PDGFA: variants seen among roughly 807,000 people sequenced by gnomAD.
The protein encoded by PDGFA is platelet derived growth factor subunit A.
In PDGFA, 9 loss-of-function variants were observed where a neutral mutation model predicts 25.6. The observed-to-expected ratio is 0.35, with a 90% confidence interval of 0.21 to 0.61. PDGFA has a LOEUF of 0.61. Among genes scored for constraint, PDGFA ranks in the 20% least tolerant of loss-of-function variants. The pLI, the probability that PDGFA is intolerant of heterozygous loss-of-function variation, is 0.75. For synonymous variants in PDGFA, 133 were observed against 111.8 expected (o/e 1.19, Z -1.20); for missense variants, 242 against 272.8 (o/e 0.89, Z 0.79).
intron 4 of PDGFA, among the ~76,000 whole-genome samples, chr7:504,474 C>G (rs1356442373): frequency 6.6e-6 from 1 of 152,168 alleles, no homozygotes; most frequent in Non-Finnish European, 1.5e-5. Flanking sequence ...CCCCCTCCTG[C>G]CTCAGCAGGG....
intron 5 of PDGFA, among the ~76,000 whole-genome samples, chr7:499,116 G>A (rs1782214628): frequency 6.6e-6 from 1 of 152,228 alleles, no homozygotes; most frequent in African/African-American, 2.4e-5. Context: ...GCCAGGCATG[G>A]GACAACAGGA....
chr7:501,841 T>C (rs1782353899), intron 4 of PDGFA, among the ~76,000 whole-genome samples: 1 of 152,204 alleles, frequency 6.6e-6, no homozygotes, highest in Non-Finnish European at 1.5e-5. Flanking sequence ...TTGGGAGTTC[T>C]GGGGTGCAGG....
chr7:499,028 A>AC (rs1782210999), intron 5 of PDGFA, among the ~76,000 whole-genome samples: 1 of 152,216 alleles, frequency 6.6e-6, no homozygotes, highest in Non-Finnish European at 1.5e-5. Context: ...GTTTAAGAAC[A>AC]ATTCTTCCAC....
intron 1 of PDGFA, among the ~76,000 whole-genome samples, chr7:518,046 A>G (rs1322371518): frequency 1.3e-5 from 2 of 151,624 alleles, no homozygotes; most frequent in Admixed American, 6.6e-5. Context: ...TCTCACTCAC[A>G]CACTCGCCCC....
chr7:497,972 A>C (rs547560587), exon 6 of PDGFA: 22 of 133,386 alleles, frequency 1.6e-4, no homozygotes, highest in African/African-American at 4.9e-4. Flanking sequence ...AAAAAAAAAA[A>C]ACAAAACAAA....
chr7:511,286 TGG>T (rs1782824854), intron 3 of PDGFA, among the ~76,000 whole-genome samples: 1 of 26,884 alleles, frequency 3.7e-5, no homozygotes, highest in African/African-American at 1.9e-4. Flanking sequence ...GGCCAGTGGC[TGG>T]GGGTGGGGAG....
intron 2 of PDGFA, among the ~76,000 whole-genome samples, chr7:516,501 C>T (rs928242535): frequency 6.6e-6 from 1 of 152,208 alleles, no homozygotes; most frequent in African/African-American, 2.4e-5. Flanking sequence ...CATCGCAGAG[C>T]CCCTTTTTAA....
At position 517,972 on chromosome 7, in the gene PDGFA, GGA is replaced by G. The variant is rs1206205215; in HGVS notation, c.64-484_64-483del. 1.3e-5 allele frequency among the ~76,000 whole-genome samples: 2 copies of G among 152,112 alleles called. No homozygotes were observed. The highest frequency in any genetic ancestry group is 4.8e-5 in the African/African-American group (2 of 41,432). Reference sequence around the variant, plus strand: ...CCCCGGAATCCCGGGCCGAACCCGTGGAGAGGTCTCTCCGTCTCACAAACACA... The same window carrying G: ...CCCCGGAATCCCGGGCCGAACCCGTGGAGGTCTCTCCGTCTCACAAACACA... On this transcript the variant is annotated intron_variant, in intron 1 of 5. Coordinates refer to ENST00000402802, the Ensembl canonical transcript of PDGFA. This position sits in a 1 kb window ranked among gnomAD's most constrained non-coding sequence, Gnocchi z 7.4.
intron 4 of PDGFA, among the ~76,000 whole-genome samples, chr7:502,779 C>T (rs1373584208): frequency 7.2e-6 from 1 of 139,756 alleles, no homozygotes; most frequent in Non-Finnish European, 1.6e-5. Flanking sequence ...CACACACACA[C>T]ACACACACAC....
chr7:498,687 G>A (rs1024552916), intron 5 of PDGFA, 113 bp from the exon 6 acceptor site: 2 of 972,422 alleles, frequency 2.1e-6, no homozygotes, highest in Non-Finnish European at 3.2e-6. Flanking sequence ...CCAATCAGGG[G>A]CACACAGGGA....
chr7:508,122 C>G (rs1210814027), intron 4 of PDGFA, among the ~76,000 whole-genome samples: 1 of 152,148 alleles, frequency 6.6e-6, no homozygotes, highest in Non-Finnish European at 1.5e-5. Flanking sequence ...GAGGAAACGA[C>G]CCGGCTGGCT....
At position 500,778 on chromosome 7, in the gene PDGFA, C is replaced by G; in HGVS notation, c.580+338G>C. The G allele has an allele frequency of 6.9e-7, 1 of 1,442,640 alleles. No homozygotes were observed. The allele number at this position is 1,442,640 out of a possible 1,614,324, so 89.4% of individuals were successfully genotyped here. On this transcript the variant is annotated intron_variant, in intron 5 of 5. Transcript: ENST00000402802. This position sits in a 1 kb window ranked among gnomAD's most constrained non-coding sequence, Gnocchi z 5.0. ...CCTCGAACCTGCTCCTCCCGCCCAC[C>G]CTGGCAGGAGGCCCTTCTGCAGATT...
At chr7:504,809 C>G (rs530817499) in intron 4 of PDGFA, among the ~76,000 whole-genome samples, 1 of 152,238 alleles carries the variant, frequency 6.6e-6, no homozygotes, top group Non-Finnish European at 1.5e-5. Flanking sequence ...TCGGCAGAGA[C>G]CGCAGGCCCG....
At chr7:497,959 C>CAAAAAAAAAAAA (rs1166606050) in exon 6 of PDGFA, 1 of 56,686 alleles carries the variant, frequency 1.8e-5, no homozygotes, top group Non-Finnish European at 3.0e-5. Flanking sequence ...AAAAAAAAAA[C>CAAAAAAAAAAAA]AAAAAAAAAA....
At position 500,328 on chromosome 7, in the gene PDGFA, C is replaced by A. The variant is rs1782270142; in HGVS notation, c.580+788G>T. 18 of 1,295,980 alleles carry A rather than the reference C, an allele frequency of 1.4e-5. No homozygotes were observed. The South Asian group carries it at 2.0e-4, about 15-fold the overall frequency. 80.3% of individuals were successfully genotyped at this position (1,295,980 alleles called of 1,614,324 possible). A position where few individuals can be genotyped will look rare whatever the true frequency, so the allele number is the denominator to read the frequency against. On this transcript the variant is annotated intron_variant, in intron 5 of 5. Transcript: ENST00000402802. This position sits in a 1 kb window ranked among gnomAD's most constrained non-coding sequence, Gnocchi z 5.0. ...CCATCAAGGCCAATCAGGGCCACAT[C>A]CCCGCCGCACCCGGCGAGACAGGAA...
chr7:511,869 T>TGG (rs1782866050), intron 3 of PDGFA, among the ~76,000 whole-genome samples: 1 of 150,938 alleles, frequency 6.6e-6, no homozygotes, highest in Non-Finnish European at 1.5e-5. Context: ...CAGGTGTGAG[T>TGG]GGGGCGGGGC....
chr7:514,374 G>A (rs887939544), intron 2 of PDGFA, among the ~76,000 whole-genome samples: 69 of 152,152 alleles, frequency 4.5e-4, no homozygotes, highest in African/African-American at 1.6e-3. Context: ...AGCCTGAGCT[G>A]GCAAATTTCT....
Position 501,371 on chromosome 7 carries a change from A to G in PDGFA, c.454-129T>C, listed in dbSNP as rs558504388. 56 of 1,148,566 alleles carry G rather than the reference A, an allele frequency of 4.9e-5. No individual in the cohort carries two copies. The South Asian group carries it at 5.4e-4, about 11-fold the overall frequency. The allele number at this position is 1,148,566 out of a possible 1,614,324, so 71.1% of individuals were successfully genotyped here. ...TGACCCCTGACCTCCTCCCAGAAAC[A>G]CTACCTTGTGGTGGGGAGTGTAGCA... is the stretch of plus-strand genomic sequence containing the variant. On this transcript the variant is annotated intron_variant, in intron 4 of 5. Coordinates refer to ENST00000402802, the Ensembl canonical transcript of PDGFA.
intron 4 of PDGFA, among the ~76,000 whole-genome samples, chr7:506,012 AAAAAAATAC>A (rs1157572303): frequency 1.3e-5 from 2 of 151,892 alleles, no homozygotes; most frequent in East Asian, 1.9e-4. Flanking sequence ...CATCTCTACT[AAAAAAATAC>A]AAAAAATAGC....
Sources: allele counts gnomAD v4.1 joint callset (sites outside exome capture counted in the v4.1 genomes callset), GRCh38; gene constraint gnomAD v4.1.1; non-coding constraint Gnocchi (gnomAD v3.1); transcripts MANE v1.5; gene names NCBI Gene and HGNC (gene_info 2026-07-23, HGNC 2026-07-21).